Variants in ADAMTS2 observed in about 807,000 individuals in gnomAD.
The protein encoded by ADAMTS2 is ADAM metallopeptidase with thrombospondin type 1 motif 2, also known as A disintegrin and metalloproteinase with thrombospondin motifs 2.
ADAMTS2 carries 50 observed loss-of-function variants against 123.0 expected under a neutral mutation model. That is an observed-to-expected ratio of 0.41 (90% CI 0.32 to 0.51). The LOEUF is 0.51. Ranked by LOEUF, ADAMTS2 falls within the 20% of genes least tolerant of loss-of-function variation. The probability of loss-of-function intolerance (pLI) is 0.35; values close to 1 mark genes in which losing one functional copy is unlikely to be tolerated. For synonymous variants in ADAMTS2, 678 were observed against 695.4 expected (o/e 0.98, Z 0.39); for missense variants, 1,494 against 1,705.2 (o/e 0.88, Z 2.18).
chr5:179,223,406 G>A (rs201672412), intron 3 of ADAMTS2, among the ~76,000 whole-genome samples: 43 of 97,934 alleles, frequency 4.4e-4, no homozygotes, highest in African/African-American at 1.6e-3. Context: ...ACACACGCAT[G>A]CAGTCACATA....
chr5:179,157,646 C>T (rs984503169), intron 6 of ADAMTS2, among the ~76,000 whole-genome samples: 2 of 151,968 alleles, frequency 1.3e-5, no homozygotes, highest in African/African-American at 4.8e-5. Flanking sequence ...GCTGGGACTA[C>T]AGGCATCCAC....
intron 5 of ADAMTS2, among the ~76,000 whole-genome samples, chr5:179,165,178 C>G (rs1763673035): frequency 1.3e-5 from 2 of 152,192 alleles, no homozygotes; most frequent in South Asian, 4.1e-4. Context: ...GATGCGACCT[C>G]CTTTGCTCCT....
chr5:179,327,527 T>C (rs1255998130), intron 2 of ADAMTS2, among the ~76,000 whole-genome samples: 1 of 152,132 alleles, frequency 6.6e-6, no homozygotes, highest in Non-Finnish European at 1.5e-5. Flanking sequence ...TGAGAGAGCC[T>C]CCTTGACTGA....
chr5:179,255,596 C>T (rs1257977171), intron 3 of ADAMTS2, among the ~76,000 whole-genome samples: 1 of 152,226 alleles, frequency 6.6e-6, no homozygotes, highest in Non-Finnish European at 1.5e-5. Flanking sequence ...GGGGTCCCCT[C>T]ACTTTCTGTC....
In ADAMTS2 at chr5:179,260,253, G is replaced by A. The variant is rs566408760; in HGVS notation, c.688+12658C>T. 9.2e-5 allele frequency among the ~76,000 whole-genome samples: 14 copies of A among 152,310 alleles called. No individual in the cohort carries two copies. In the South Asian group the frequency reaches 1.0e-3, roughly 11 times the overall value. On this transcript the variant is annotated intron_variant, in intron 3 of 21. Coordinates refer to ENST00000251582, the MANE Select transcript of ADAMTS2 (RefSeq NM_014244.5). The surrounding 1 kb of genome is among the most constrained non-coding windows in gnomAD (Gnocchi z 4.2). ...CCTGCAGGGAGCAACTGTTGCTCCC[G>A]GAGTGAGCTCCTGGGCGACCGGGCT...
At chr5:179,121,376 C>T (rs1294951273) in intron 21 of ADAMTS2, 3 of 256,294 alleles carry the variant, frequency 1.2e-5, no homozygotes, top group Non-Finnish European at 1.5e-5. Context: ...GAGGGTCGCC[C>T]TTTGGCCACC....
chr5:179,245,669 G>A (rs1765769937), intron 3 of ADAMTS2, among the ~76,000 whole-genome samples: 1 of 147,328 alleles, frequency 6.8e-6, no homozygotes, highest in Non-Finnish European at 1.5e-5. Context: ...GGGAGGCTGA[G>A]GCAGGAGAAT....
chr5:179,287,135 G>T (rs953522120), intron 2 of ADAMTS2, among the ~76,000 whole-genome samples: 3 of 152,120 alleles, frequency 2.0e-5, no homozygotes, highest in African/African-American at 7.2e-5. Flanking sequence ...GGTGGCCAGA[G>T]CTGGGCGGGC....
chr5:179,321,309 C>T (rs114699840), intron 2 of ADAMTS2, among the ~76,000 whole-genome samples: 2,924 of 152,198 alleles, frequency 0.019, 100 homozygotes, highest in African/African-American at 0.066. Context: ...GCACACCCTC[C>T]GCAGCTGATG....
rs1561769420 is a variant in ADAMTS2, at chr5:179,129,428, TA to T, written c.2457+503del. Among the ~76,000 whole-genome samples the T allele has an allele frequency of 6.6e-6, 1 of 152,212 alleles. No individual in the cohort carries two copies. The highest frequency in any genetic ancestry group is 2.4e-5 in the African/African-American group (1 of 41,444). On this transcript the variant is annotated intron_variant, in intron 16 of 21. Transcript: ENST00000251582. The surrounding 1 kb of genome is among the most constrained non-coding windows in gnomAD (Gnocchi z 4.1). ...ATCCCTATGCAGTTAAATTACATTT[TA>T]AAAAGTGATCTGACCTCCTCAAAAC...
Position 179,239,430 on chromosome 5 carries a change from G to A in ADAMTS2, c.689-31715C>T, listed in dbSNP as rs187501833. Among the ~76,000 whole-genome samples the A allele has an allele frequency of 2.1e-4, 32 of 152,260 alleles. No homozygotes were observed. The East Asian group carries it at 5.6e-3, about 27-fold the overall frequency. On this transcript the variant is annotated intron_variant, in intron 3 of 21. Transcript: ENST00000251582. ...AGGCCGAGGGTGGAGTGCGGAGAGGGTGAGCGCGAGTTCAGTGAGGGGCGT... is the reference window on the plus strand; with the variant it reads ...AGGCCGAGGGTGGAGTGCGGAGAGGATGAGCGCGAGTTCAGTGAGGGGCGT...
intron 2 of ADAMTS2, among the ~76,000 whole-genome samples, chr5:179,288,652 T>C (rs1207357120): frequency 6.6e-6 from 1 of 152,166 alleles, no homozygotes; most frequent in Non-Finnish European, 1.5e-5. Context: ...CCTCTGTGGG[T>C]GGTTGGCCCA....
rs1338571523 is a variant in ADAMTS2 at position 179,285,532 on chromosome 5, C to G, written c.535-12468G>C. Among the ~76,000 whole-genome samples the G allele has an allele frequency of 6.6e-6, 1 of 152,178 alleles. No homozygotes were observed. Among genetic ancestry groups the G allele is most frequent in the Non-Finnish European group, 1.5e-5 (1 of 68,028 alleles). On this transcript the variant is annotated intron_variant, in intron 2 of 21. Transcript: ENST00000251582. The surrounding 1 kb of genome is among the most constrained non-coding windows in gnomAD (Gnocchi z 4.9). ...CAATGCCGGGGTAGCCTCCAGGAAACAGAGCTGGCCAGCCAGACCCAGCCA... is the reference window on the plus strand; with the variant it reads ...CAATGCCGGGGTAGCCTCCAGGAAAGAGAGCTGGCCAGCCAGACCCAGCCA...
intron 3 of ADAMTS2, among the ~76,000 whole-genome samples, chr5:179,226,166 A>T (rs1396698084): frequency 3.9e-5 from 6 of 152,024 alleles, no homozygotes; most frequent in Admixed American, 6.5e-5. Flanking sequence ...ATTGTCAGAA[A>T]AGAAAAGACA....
chr5:179,331,781 T>A (rs1297102705), intron 2 of ADAMTS2, among the ~76,000 whole-genome samples: 1 of 152,096 alleles, frequency 6.6e-6, no homozygotes, highest in South Asian at 2.1e-4. Flanking sequence ...CCAGGCTGGG[T>A]GAGGTCCACT....
rs796604633 is a variant in ADAMTS2 at position 179,231,918 on chromosome 5, G to GAA, written c.689-24205_689-24204dup. On this transcript the variant is annotated intron_variant, in intron 3 of 21. Coordinates refer to ENST00000251582, the MANE Select transcript of ADAMTS2 (RefSeq NM_014244.5). ...CCACAGAGCGAGACCCTGTCTCTAG[G>GAA]AAAAAAAAAAAGAAAAAAGAAAAAG... 6.2e-3 allele frequency among the ~76,000 whole-genome samples: 605 copies of GAA among 97,400 alleles called. 6 individuals are homozygous for GAA. Among genetic ancestry groups the GAA allele is most frequent in the African/African-American group, 0.023 (576 of 24,950 alleles). The allele number at this position is 97,400 out of a possible 152,430, so 63.9% of individuals were successfully genotyped here. A position where few individuals can be genotyped will look rare whatever the true frequency, so the allele number is the denominator to read the frequency against.
rs75386558 is a variant in ADAMTS2 at position 179,257,374 on chromosome 5, G to A, written c.688+15537C>T. 7.8e-3 allele frequency among the ~76,000 whole-genome samples: 1,182 copies of A among 152,340 alleles called. 9 individuals carry two copies. Among genetic ancestry groups the A allele is most frequent in the African/African-American group, 0.021 (860 of 41,578 alleles). On this transcript the variant is annotated intron_variant, in intron 3 of 21. Coordinates refer to ENST00000251582, the MANE Select transcript of ADAMTS2 (RefSeq NM_014244.5). ...GGGGGCCTGGAGGACATCCAGGCAC[G>A]GGTATAGGTGCCGGGAGCCCGGGGA...
rs563656387 is a variant in ADAMTS2 at position 179,223,338 on chromosome 5, T to G, written c.689-15623A>C. On this transcript the variant is annotated intron_variant, in intron 3 of 21. Transcript: ENST00000251582. ...CACATGCACACTCACACAAATGCAC[T>G]CATATACACACGAATGCACTCAGAC... 1.7e-4 allele frequency among the ~76,000 whole-genome samples: 21 copies of G among 125,176 alleles called. 1 individual carries two copies. The South Asian group carries it at 5.1e-3, about 30-fold the overall frequency. 82.1% of individuals were successfully genotyped at this position (125,176 alleles called of 152,430 possible).
At chr5:179,344,557 G>T (rs1384041605) in intron 1 of ADAMTS2, among the ~76,000 whole-genome samples, 1 of 152,224 alleles carries the variant, frequency 6.6e-6, no homozygotes, top group Non-Finnish European at 1.5e-5. Context: ...TTCCGGGTTG[G>T]CCCCCTTACC....
Sources: allele counts gnomAD v4.1 joint callset (sites outside exome capture counted in the v4.1 genomes callset), GRCh38; gene constraint gnomAD v4.1.1; non-coding constraint Gnocchi (gnomAD v3.1); transcripts MANE v1.5; gene names NCBI Gene and HGNC (gene_info 2026-07-23, HGNC 2026-07-21).